The following FOXP1 variants were observed in gnomAD, a reference collection of about 807,000 sequenced individuals.
The protein encoded by FOXP1 is forkhead box P1, also known as forkhead box protein P1.
Under a neutral mutation model 98.2 loss-of-function variants are expected in FOXP1, and 15 were observed. The ratio of observed to expected loss-of-function variants is 0.15; its 90% CI spans 0.10 to 0.24. FOXP1 has a LOEUF of 0.24. Among genes scored for constraint, FOXP1 ranks in the 10% least tolerant of loss-of-function variants. The pLI, the probability that FOXP1 is intolerant of heterozygous loss-of-function variation, is 1.00. For missense variants in FOXP1, 633 were observed against 848.5 expected (o/e 0.75, Z 3.15); for synonymous variants, 371 against 314.5 (o/e 1.18, Z -1.90).
chr3:71,251,921 C>T (rs969893893), intron 5 of FOXP1, among the ~76,000 whole-genome samples: 4 of 152,150 alleles, frequency 2.6e-5, no homozygotes, highest in Non-Finnish European at 4.4e-5. Flanking sequence ...AATCCCAACT[C>T]GTTCTTTCTC....
In FOXP1 at chr3:71,423,451, T is replaced by C. The variant is rs2083822247; in HGVS notation, c.-167-64207A>G. 1.3e-5 allele frequency among the ~76,000 whole-genome samples: 2 copies of C among 152,290 alleles called. 1 individual carries two copies. Among genetic ancestry groups the C allele is most frequent in the South Asian group, 4.1e-4 (2 of 4,828 alleles). ...GGACTTCTGCCAAGGAAAAACACATTAGTCCTAAAGGCGTGTCCTCTGTCT... is the reference window on the plus strand; with the variant it reads ...GGACTTCTGCCAAGGAAAAACACATCAGTCCTAAAGGCGTGTCCTCTGTCT... On this transcript the variant is annotated intron_variant, in intron 3 of 20. Coordinates refer to ENST00000649528, the MANE Select transcript of FOXP1 (RefSeq NM_001349338.3).
intron 6 of FOXP1, among the ~76,000 whole-genome samples, chr3:71,170,341 A>T (rs541450572): frequency 2.6e-4 from 40 of 152,300 alleles, no homozygotes; most frequent in African/African-American, 9.4e-4. Context: ...AGTCAAATCA[A>T]GCTTTCAGGC....
intron 4 of FOXP1, among the ~76,000 whole-genome samples, chr3:71,306,928 A>C (rs2074324442): frequency 6.6e-6 from 1 of 152,196 alleles, no homozygotes; most frequent in African/African-American, 2.4e-5. Context: ...ACAACCCAGG[A>C]ATTTAAGCAA....
At chr3:71,144,764 T>TG (rs2060226407) in intron 6 of FOXP1, among the ~76,000 whole-genome samples, 1 of 151,988 alleles carries the variant, frequency 6.6e-6, no homozygotes, top group African/African-American at 2.4e-5. Flanking sequence ...ATGTGTATAA[T>TG]CACCAGCACA....
chr3:71,057,247 A>C (rs2050775455), intron 7 of FOXP1, among the ~76,000 whole-genome samples: 1 of 127,386 alleles, frequency 7.9e-6, no homozygotes, highest in Non-Finnish European at 1.6e-5. Context: ...ACAGCTCTCT[A>C]ATATTTATGG....
At chr3:71,479,997 A>G (rs997255501) in intron 3 of FOXP1, among the ~76,000 whole-genome samples, 1 of 152,188 alleles carries the variant, frequency 6.6e-6, no homozygotes, top group Non-Finnish European at 1.5e-5. Context: ...GGAGTTCGAC[A>G]CCAGCCTGAC....
Position 71,359,263 on chromosome 3 carries a change from GAA to G in FOXP1, c.-167-21_-167-20del, listed in dbSNP as rs553231180. 120 of 152,324 alleles carry G rather than the reference GAA, an allele frequency of 7.9e-4. No individual in the cohort carries two copies. Among genetic ancestry groups the G allele is most frequent in the African/African-American group, 2.8e-3 (116 of 41,562 alleles). The allele number at this position is 152,324 out of a possible 1,614,324, so 9.4% of individuals were successfully genotyped here. A position where few individuals can be genotyped will look rare whatever the true frequency, so the allele number is the denominator to read the frequency against. On this transcript the variant is annotated intron_variant, in intron 3 of 20. Coordinates refer to ENST00000649528, the MANE Select transcript of FOXP1 (RefSeq NM_001349338.3). ...AGGGAAGCTGAAAGCAAAAAGAAAA[GAA>G]GAGGTTAAGTGAAGGGGCAAATGGT...
intron 4 of FOXP1, among the ~76,000 whole-genome samples, chr3:71,327,300 C>A (rs1450100490): frequency 1.1e-4 from 1 of 9,302 alleles, no homozygotes; most frequent in African/African-American, 1.5e-4. Flanking sequence ...ATGAGGCAGA[C>A]TCACTGTACT....
chr3:71,264,665 T>C (rs1201976286), intron 5 of FOXP1, among the ~76,000 whole-genome samples: 2 of 152,226 alleles, frequency 1.3e-5, no homozygotes, highest in Non-Finnish European at 2.9e-5. Flanking sequence ...CCTTGTCATC[T>C]GTCTTCTACT....
At chr3:70,981,667 G>A (rs922923998) in intron 14 of FOXP1, among the ~76,000 whole-genome samples, 4 of 152,226 alleles carry the variant, frequency 2.6e-5, no homozygotes, top group African/African-American at 9.7e-5. Flanking sequence ...CCTAGAGGAA[G>A]AGGGTGGCTG....
intron 3 of FOXP1, among the ~76,000 whole-genome samples, chr3:71,475,955 A>G (rs921136843): frequency 6.6e-6 from 1 of 151,970 alleles, no homozygotes; most frequent in African/African-American, 2.4e-5. Context: ...AAATTATTCT[A>G]TGATTTGGGG....
At chr3:71,374,889 T>C (rs2079607681) in intron 3 of FOXP1, among the ~76,000 whole-genome samples, 1 of 152,250 alleles carries the variant, frequency 6.6e-6, no homozygotes, top group Non-Finnish European at 1.5e-5. Context: ...TTTATTCTCA[T>C]TCCTTCCTCT....
At chr3:71,447,286 C>A (rs2086537351) in intron 3 of FOXP1, among the ~76,000 whole-genome samples, 1 of 152,228 alleles carries the variant, frequency 6.6e-6, no homozygotes, top group African/African-American at 2.4e-5. Context: ...TGTTTCCAGG[C>A]CCCTCTGCCT....
chr3:71,557,881 G>C (rs936441901), intron 2 of FOXP1, among the ~76,000 whole-genome samples: 4 of 152,118 alleles, frequency 2.6e-5, no homozygotes, highest in African/African-American at 9.7e-5. Flanking sequence ...CAGTGGTGTG[G>C]TCTCAGCTCA....
chr3:71,285,937 T>A (rs145226622), intron 5 of FOXP1, among the ~76,000 whole-genome samples: 60 of 152,308 alleles, frequency 3.9e-4, no homozygotes, highest in African/African-American at 1.3e-3. Flanking sequence ...AAGAATAAAG[T>A]CATGTATCAC....
At chr3:71,078,864 T>C (rs1055925095) in intron 7 of FOXP1, among the ~76,000 whole-genome samples, 1 of 152,128 alleles carries the variant, frequency 6.6e-6, no homozygotes, top group Admixed American at 6.6e-5. Flanking sequence ...CCCTTCTCCT[T>C]GGAAGCACAA....
At chr3:71,582,923 T>C (rs830600) in intron 1 of FOXP1, 537,961 of 543,938 alleles carry the variant, frequency 0.99, 266,038 homozygotes, top group East Asian at 1. Flanking sequence ...CACAGTCAGT[T>C]TGCTGGGGCC....
intron 4 of FOXP1, among the ~76,000 whole-genome samples, chr3:71,350,775 G>C (rs1259983260): frequency 1.3e-5 from 2 of 152,210 alleles, no homozygotes; most frequent in African/African-American, 4.8e-5. Context: ...TGTATTTGCT[G>C]TGTATCAAGT....
At chr3:70,973,683 T>G (rs1450137065) in intron 17 of FOXP1, among the ~76,000 whole-genome samples, 3 of 152,144 alleles carry the variant, frequency 2.0e-5, no homozygotes, top group Non-Finnish European at 4.4e-5. Context: ...ATTCAGGTCA[T>G]TTACTTAAAA....
Sources: gnomAD v4.1 joint callset for allele counts (sites outside exome capture counted in the v4.1 genomes callset) on GRCh38, gnomAD v4.1.1 for gene constraint, MANE v1.5 for transcripts, NCBI Gene and HGNC (gene_info 2026-07-23, HGNC 2026-07-21) for gene names.